Variants in POTEE observed in about 807,000 individuals in gnomAD.
POTEE encodes POTE ankyrin domain family member E.
POTEE carries 21 observed loss-of-function variants against 74.2 expected under a neutral mutation model. The observed-to-expected ratio is 0.28, with a 90% CI of 0.20 to 0.41. The LOEUF (loss-of-function observed/expected upper bound fraction) is 0.41. Ranked by LOEUF, POTEE falls within the 10% of genes least tolerant of loss-of-function variation. POTEE has a pLI of 1.00. For missense variants in POTEE, 525 were observed against 1,158.6 expected (o/e 0.45, Z 7.94); for synonymous variants, 211 against 432.8 (o/e 0.49, Z 6.36).
At chr2:131,254,454 T>C (rs1324462120) in intron 16 of POTEE, among the ~76,000 whole-genome samples, 1 of 73,498 alleles carries the variant, frequency 1.4e-5, no homozygotes, top group Non-Finnish European at 2.7e-5. Context: ...CCTCAGTCTC[T>C]ACTAGCTGAG....
chr2:131,211,891 CTT>C (rs1348054483), intron 2 of POTEE, among the ~76,000 whole-genome samples: 11 of 150,130 alleles, frequency 7.3e-5, no homozygotes, highest in Admixed American at 6.0e-4. Context: ...TGGTCTTGGA[CTT>C]TTTCAAATTT....
chr2:131,237,661 G>A (rs866598098), intron 10 of POTEE, among the ~76,000 whole-genome samples: 1 of 151,752 alleles, frequency 6.6e-6, no homozygotes, highest in Non-Finnish European at 1.5e-5. Context: ...TTGAGAATTT[G>A]CATCTCTTTC....
rs1573744827 is a variant in POTEE, at chr2:131,263,677, A to G, written c.2222A>G (p.Gln741Arg). The G allele has an allele frequency of 6.2e-7, 1 of 1,601,598 alleles. No individual in the cohort carries two copies. Among genetic ancestry groups the G allele is most frequent in the East Asian group, 2.2e-5 (1 of 44,608 alleles). The change falls in exon 18 of 18, where the codon CAG becomes CGG. Residue 741 changes from glutamine to arginine, a missense_variant. Transcript: ENST00000683005. ...TCCATCGTGGGGCGCCCCAGGCAGCAGGGCATGATGGGGGGCATGCATCAG... is the reference window on the plus strand; with the variant it reads ...TCCATCGTGGGGCGCCCCAGGCAGCGGGGCATGATGGGGGGCATGCATCAG... Reference protein sequence around the residue: ...FPSIVGRPRQQGMMGGMHQKE... With the variant: ...FPSIVGRPRQRGMMGGMHQKE...
chr2:131,231,671 C>G (rs528986711), intron 9 of POTEE, among the ~76,000 whole-genome samples: 26 of 152,040 alleles, frequency 1.7e-4, no homozygotes, highest in African/African-American at 5.3e-4. Context: ...TAATTGTCAT[C>G]ATAACAGTAA....
rs1248472436 is a variant in POTEE at position 131,263,425 on chromosome 2, T to G, written c.1970T>G (p.Met657Arg). The G allele has an allele frequency of 6.2e-7, 1 of 1,611,754 alleles. No individual in the cohort carries two copies. Residue 657 changes from methionine to arginine, a missense_variant, in exon 18 of 18, where the codon ATG (methionine) becomes AGG (arginine). Met to Arg is a moderately conservative substitution (Grantham distance 91). Coordinates refer to ENST00000683005, the MANE Select transcript of POTEE (RefSeq NM_001083538.3). ...AGTACGTTGCGGGAAGAAATTGCCATGCTAAGACTGGAGCTAGACACAATG... is the reference window on the plus strand; with the variant it reads ...AGTACGTTGCGGGAAGAAATTGCCAGGCTAAGACTGGAGCTAGACACAATG... ...ENSTLREEIA[M>R]LRLELDTMKH...
At chr2:131,260,647 A>G (rs1432227023) in intron 16 of POTEE, among the ~76,000 whole-genome samples, 1 of 147,632 alleles carries the variant, frequency 6.8e-6, no homozygotes, top group Non-Finnish European at 1.5e-5. Flanking sequence ...GGTGCTACTG[A>G]TTGGTATTCA....
At chr2:131,225,899 G>T (rs369421910) in intron 6 of POTEE, among the ~76,000 whole-genome samples, 2,732 of 143,638 alleles carry the variant, frequency 0.019, no homozygotes, top group African/African-American at 0.075. Context: ...TACAGAATAA[G>T]ACCTTTTCCT....
intron 9 of POTEE, among the ~76,000 whole-genome samples, chr2:131,231,677 A>G (rs1411479115): frequency 1.3e-5 from 2 of 152,008 alleles, no homozygotes; most frequent in Non-Finnish European, 2.9e-5. Context: ...TCATCATAAC[A>G]GTAATTTTGT....
intron 3 of POTEE, among the ~76,000 whole-genome samples, 84 bp downstream of exon 3, chr2:131,217,767 G>GCCGCACGCCGCACGCCGCACGCCGCACGC (rs1346236687): frequency 7.9e-5 from 1 of 12,596 alleles, no homozygotes; most frequent in African/African-American, 1.0e-4. Flanking sequence ...CACGCCGCAC[G>GCCGCACGCCGCACGCCGCACGCCGCACGC]CGCACGCCGC....
chr2:131,218,195 G>C, intron 3 of POTEE, 115 bp from the exon 4 acceptor site: 1 of 941,122 alleles, frequency 1.1e-6, no homozygotes, highest in Non-Finnish European at 1.6e-6. Context: ...CGCCCAGGGG[G>C]GGCGTGGGCT....
intron 17 of POTEE, among the ~76,000 whole-genome samples, chr2:131,262,083 T>G (rs1468264702): frequency 8.7e-3 from 1,012 of 115,896 alleles, no homozygotes; most frequent in African/African-American, 0.028. Flanking sequence ...GGAGAAGTAT[T>G]TGATGTTTTT....
At position 131,226,895 on chromosome 2, in the gene POTEE, A is replaced by C; in HGVS notation, c.883A>C (p.Lys295Gln). 1 of 1,611,764 alleles carries C rather than the reference A, an allele frequency of 6.2e-7. No individual in the cohort carries two copies. The highest frequency in any genetic ancestry group is 1.7e-5 in the Admixed American group (1 of 60,014). Residue 295 changes from lysine to glutamine, a missense_variant, in exon 7 of 18, where the codon AAA becomes CAA. Physicochemically the swap from Lys to Gln is moderately conservative, Grantham distance 53. Transcript: ENST00000683005. ...AGTCGTGAAATTTTTAATCAAGAAA[A>C]AAGCGAATTTAAATGCACTGGATAG... Reference protein sequence around the residue: ...QQVVKFLIKKKANLNALDRYG... With the variant: ...QQVVKFLIKKQANLNALDRYG...
rs1303697622 is a variant in POTEE, at chr2:131,251,280, A to T, written c.1551+432A>T. 7.2e-4 allele frequency among the ~76,000 whole-genome samples: 24 copies of T among 33,320 alleles called. 9 individuals are homozygous for T. The highest frequency in any genetic ancestry group is 1.3e-3 in the Non-Finnish European group (15 of 11,470). The allele number at this position is 33,320 out of a possible 152,430, so 21.9% of individuals were successfully genotyped here. A position where few individuals can be genotyped will look rare whatever the true frequency, so the allele number is the denominator to read the frequency against. ...CTCCATGTGAAAAAAAAAAAAAAAA[A>T]TTTTAATAGATTCTTAAAATTTATT... is the stretch of plus-strand genomic sequence containing the variant. On this transcript the variant is annotated intron_variant, in intron 14 of 17. Coordinates refer to ENST00000683005, the MANE Select transcript of POTEE (RefSeq NM_001083538.3).
intron 3 of POTEE, chr2:131,218,027 G>A (rs1448785179): frequency 4.3e-5 from 13 of 299,758 alleles, no homozygotes; most frequent in African/African-American, 2.9e-4. Flanking sequence ...TTGGATTGAC[G>A]TTTCCTGCTT....
chr2:131,215,502 G>C (rs901932915), intron 2 of POTEE, among the ~76,000 whole-genome samples: 1 of 151,440 alleles, frequency 6.6e-6, no homozygotes, highest in African/African-American at 2.4e-5. Flanking sequence ...TTGAGAACAA[G>C]GTAATAAATA....
chr2:131,225,378 TAACAACAAC>T (rs113056508), intron 6 of POTEE, among the ~76,000 whole-genome samples: 4 of 127,028 alleles, frequency 3.1e-5, no homozygotes, highest in Admixed American at 1.6e-4. Flanking sequence ...ACCCTGTCTC[TAACAACAAC>T]AACAACAACG....
At position 131,217,741 on chromosome 2, in the gene POTEE, AGCACGCC is replaced by A. The variant is rs1410993252; in HGVS notation, c.-94+79_-94+85del. On this transcript the variant is annotated intron_variant, in intron 3 of 17. Coordinates refer to ENST00000683005, the MANE Select transcript of POTEE (RefSeq NM_001083538.3). ...ACGTGCCCTGACGCCACCTGAGATA[AGCACGCC>A]GCACGCCGCACGCCGCACGCGCACG... Among the ~76,000 whole-genome samples, 1,269 of 148,536 alleles carry A rather than the reference AGCACGCC, an allele frequency of 8.5e-3. 40 individuals are homozygous for A. Among genetic ancestry groups the A allele is most frequent in the African/African-American group, 0.03 (1,158 of 39,202 alleles).
intron 9 of POTEE, among the ~76,000 whole-genome samples, chr2:131,236,369 C>T (rs1036766552): frequency 1.2e-4 from 19 of 152,150 alleles, no homozygotes; most frequent in African/African-American, 3.9e-4. Flanking sequence ...TAGCTAAGTG[C>T]GGGAAAACTT....
intron 12 of POTEE, among the ~76,000 whole-genome samples, chr2:131,243,713 A>C (rs1340373554): frequency 7.7e-6 from 1 of 129,956 alleles, no homozygotes; most frequent in Non-Finnish European, 1.7e-5. Flanking sequence ...TAAAAATACA[A>C]AAAAATTAAC....
Sources: allele counts gnomAD v4.1 joint callset (sites outside exome capture counted in the v4.1 genomes callset), GRCh38; gene constraint gnomAD v4.1.1; transcripts MANE v1.5; gene names NCBI Gene and HGNC (gene_info 2026-07-23, HGNC 2026-07-21).